The following CGN variants were observed in gnomAD, a reference collection of about 807,000 sequenced individuals.
The protein encoded by CGN is cingulin.
In CGN, 121 loss-of-function variants were observed where a neutral mutation model predicts 157.1. The ratio of observed to expected loss-of-function variants is 0.77; its 90% CI spans 0.66 to 0.90. The LOEUF (loss-of-function observed/expected upper bound fraction) is 0.90. CGN is among the 40% of genes least tolerant of loss of function. CGN has a pLI of 0.00. For synonymous variants in CGN, 535 were observed against 607.5 expected (o/e 0.88, Z 1.76); for missense variants, 1,424 against 1,520.9 (o/e 0.94, Z 1.06).
intron 14 of CGN, among the ~76,000 whole-genome samples, chr1:151,533,425 G>A (rs1396195112): frequency 2.6e-5 from 4 of 151,828 alleles, no homozygotes; most frequent in South Asian, 2.1e-4. Flanking sequence ...GCAGTGAGCC[G>A]CGATTGTGCC....
At chr1:151,526,410 C>T (rs925454835) in intron 9 of CGN, among the ~76,000 whole-genome samples, 3 of 151,158 alleles carry the variant, frequency 2.0e-5, no homozygotes, top group Admixed American at 1.3e-4. Context: ...CTCCTGACTT[C>T]GTGATCCTCC....
In CGN at chr1:151,527,125, G is replaced by C; in HGVS notation, c.1896+18G>C. 2.5e-6 allele frequency: 4 copies of C among 1,613,826 alleles called. No homozygotes were observed. Among genetic ancestry groups the C allele is most frequent in the Non-Finnish European group, 2.5e-6 (3 of 1,179,950 alleles). On this transcript the variant is annotated intron_variant, in intron 10 of 20. Transcript: ENST00000271636. ...TCAAGAAGGTATTTGGGAATTGGGG[G>C]GCAGAATGGTAGGTAGGGGTGATGA...
intron 10 of CGN, 23 bp from the exon 11 acceptor site, chr1:151,529,327 T>C (rs1664773338): frequency 5.0e-6 from 8 of 1,606,178 alleles, no homozygotes; most frequent in Non-Finnish European, 6.8e-6. Flanking sequence ...GGGTGCCCCA[T>C]CACCATTCCC....
chr1:151,519,227 C>T lies in CGN; in HGVS notation c.708C>T (p.Thr236=). 3.7e-6 allele frequency: 6 copies of T among 1,614,158 alleles called. No individual in the cohort carries two copies. The highest frequency in any genetic ancestry group is 5.1e-6 in the Non-Finnish European group (6 of 1,180,036). The part of the protein sequence containing the change: ...ERERQSTNHW[T]SSTKYDNHVG... ...AGCGCCAGTCCACCAACCACTGGAC[C>T]TCTAGCACAAAATATGACAACCATG... The change falls in exon 2 of 21, where the codon ACC becomes ACT. Residue 236 remains threonine (T), a synonymous_variant. Transcript: ENST00000271636.
chr1:151,528,279 A>T (rs12405534), intron 10 of CGN, among the ~76,000 whole-genome samples: 75 of 150,670 alleles, frequency 5.0e-4, no homozygotes, highest in African/African-American at 6.6e-4. Context: ...GAGCCACCGC[A>T]CCCAGCCTCA....
chr1:151,526,594 C>G (rs1425955990), intron 9 of CGN, among the ~76,000 whole-genome samples: 1 of 152,162 alleles, frequency 6.6e-6, no homozygotes, highest in East Asian at 1.9e-4. Context: ...CCACCTCAGC[C>G]TCCCGAATAG....
chr1:151,518,131 G>A (rs554671210), intron 1 of CGN, among the ~76,000 whole-genome samples: 1 of 152,348 alleles, frequency 6.6e-6, no homozygotes, highest in East Asian at 1.9e-4. Flanking sequence ...ACAGGTGTGA[G>A]CCACTGCTCC....
chr1:151,514,144 C>T (rs1462234665), intron 1 of CGN, among the ~76,000 whole-genome samples: 1 of 152,234 alleles, frequency 6.6e-6, no homozygotes, highest in African/African-American at 2.4e-5. Context: ...AAGATCCCTT[C>T]AGCCCTCCTG....
chr1:151,526,416 C>T (rs1571663414), intron 9 of CGN, among the ~76,000 whole-genome samples: 1 of 149,628 alleles, frequency 6.7e-6, no homozygotes, highest in African/African-American at 2.5e-5. Context: ...ACTTCGTGAT[C>T]CTCCCACCTC....
chr1:151,518,441 G>C (rs1051073117), intron 1 of CGN, 65 bp from the exon 2 acceptor site: 8 of 1,376,634 alleles, frequency 5.8e-6, no homozygotes, highest in Non-Finnish European at 7.9e-6. Context: ...AAGTCAGCCC[G>C]CAGGTAGAAG....
Position 151,518,747 on chromosome 1 carries a change from C to T in CGN, c.228C>T (p.Asp76=), listed in dbSNP as rs746775445. ...VVLNSGEKGG[D]SFGVQIKGAN... Reference sequence around the variant, plus strand: ...TCAACAGTGGGGAGAAAGGCGGTGACTCCTTTGGGGTCCAAATCAAGGGGG... The same window carrying T: ...TCAACAGTGGGGAGAAAGGCGGTGATTCCTTTGGGGTCCAAATCAAGGGGG... Residue 76 remains aspartate (D), a synonymous_variant, in exon 2 of 21, where the codon GAC becomes GAT. Transcript: ENST00000271636. The T allele has an allele frequency of 1.9e-6, 3 of 1,614,180 alleles. No homozygotes were observed. The highest frequency in any genetic ancestry group is 4.5e-5 in the East Asian group (2 of 44,882).
Position 151,535,840 on chromosome 1 carries a change from C to A in CGN, c.3139C>A (p.Leu1047Ile), listed in dbSNP as rs1490614282. The change falls in exon 18 of 21, where the codon CTC becomes ATC. Residue 1047 changes from leucine to isoleucine, a missense_variant. By Grantham distance (5) the Leu-to-Ile change is conservative. Transcript: ENST00000271636. Reference protein sequence around the residue: ...SEGFQKPSASLSQLESQNQLL... With the variant: ...SEGFQKPSASISQLESQNQLL... ...AGGCTTCCAGAAGCCTAGTGCCAGC[C>A]TCTCTCAGCTTGAGTCCCAGAATCA... 2 of 1,614,158 alleles carry A rather than the reference C, an allele frequency of 1.2e-6. No homozygotes were observed. The highest frequency in any genetic ancestry group is 4.5e-5 in the East Asian group (2 of 44,886).
At position 151,537,688 on chromosome 1, in the gene CGN, A is replaced by C. The variant is rs1665000557; in HGVS notation, c.*342A>C. ...GAAATTGCCATGTGTATAAAGCTTT[A>C]TTCTTTAGCCCTTAACCCTAAGGCT... On this transcript the variant is annotated 3_prime_UTR_variant, in exon 21 of 21. Coordinates refer to ENST00000271636, the MANE Select transcript of CGN (RefSeq NM_020770.3). 5.0e-6 allele frequency: 1 copy of C among 198,194 alleles called. No individual in the cohort carries two copies. Among genetic ancestry groups the C allele is most frequent in the African/African-American group, 2.3e-5 (1 of 43,076 alleles). The allele number at this position is 198,194 out of a possible 1,614,324, so 12.3% of individuals were successfully genotyped here.
intron 15 of CGN, 109 bp downstream of exon 15, chr1:151,534,245 C>A: frequency 9.5e-7 from 1 of 1,048,570 alleles, no homozygotes; most frequent in Non-Finnish European, 1.4e-6. Flanking sequence ...TGTTTGGCTG[C>A]AGTATTTTCA....
intron 11 of CGN, 108 bp from the exon 12 acceptor site, chr1:151,529,801 G>A: frequency 9.5e-7 from 1 of 1,055,920 alleles, no homozygotes; most frequent in East Asian, 2.6e-5. Context: ...TCATTCTTAT[G>A]GGCTGTCTTT....
intron 5 of CGN, 97 bp from the exon 6 acceptor site, chr1:151,523,337 C>A: frequency 2.6e-6 from 3 of 1,151,544 alleles, no homozygotes; most frequent in Non-Finnish European, 3.7e-6. Flanking sequence ...TATCATACAG[C>A]AAGTGTCCAA....
intron 18 of CGN, 104 bp downstream of exon 18, chr1:151,536,002 C>T: frequency 1.1e-6 from 1 of 881,946 alleles, no homozygotes. Flanking sequence ...TCAGATATGG[C>T]CAGCCTGGCC....
At chr1:151,516,121 C>A (rs1215641087) in intron 1 of CGN, among the ~76,000 whole-genome samples, 6 of 152,176 alleles carry the variant, frequency 3.9e-5, no homozygotes, top group Admixed American at 3.9e-4. Context: ...CCCACCAAGC[C>A]CTTTGTCACC....
At position 151,524,179 on chromosome 1, in the gene CGN, A is replaced by G. The variant is rs572009695; in HGVS notation, c.1269-47A>G. The G allele has an allele frequency of 5.1e-5, 76 of 1,482,478 alleles. 2 individuals are homozygous for G. Among genetic ancestry groups the G allele is most frequent in the South Asian group, 5.0e-4 (42 of 84,336 alleles). 91.8% of individuals were successfully genotyped at this position (1,482,478 alleles called of 1,614,324 possible). A position where few individuals can be genotyped will look rare whatever the true frequency, so the allele number is the denominator to read the frequency against. On this transcript the variant is annotated intron_variant, in intron 6 of 20. Coordinates refer to ENST00000271636, the MANE Select transcript of CGN (RefSeq NM_020770.3). The surrounding 1 kb of genome is among the most constrained non-coding windows in gnomAD (Gnocchi z 4.4). ...ATGAATTAAAATATATGATGCGTTT[A>G]GAGAACTGCCTGACACATAGTGTGC... is the stretch of plus-strand genomic sequence containing the variant.
Sources: gnomAD v4.1 joint callset for allele counts (sites outside exome capture counted in the v4.1 genomes callset) on GRCh38, gnomAD v4.1.1 for gene constraint, Gnocchi (gnomAD v3.1) non-coding constraint, MANE v1.5 for transcripts, NCBI Gene and HGNC (gene_info 2026-07-23, HGNC 2026-07-21) for gene names.